Variants in DDX46 observed in about 807,000 individuals in gnomAD.
The protein encoded by DDX46 is DEAD-box helicase 46.
A neutral mutation model predicts 134.9 loss-of-function variants in DDX46; 30 were observed. The ratio of observed to expected loss-of-function variants is 0.22; its 90% CI spans 0.17 to 0.30. DDX46 has a LOEUF of 0.30. DDX46 is among the 10% of genes least tolerant of loss of function. The pLI is 1.00. For missense variants in DDX46, 622 were observed against 1,248.7 expected, an observed-to-expected ratio of 0.50 and a Z score of 7.56; for synonymous variants, 415 against 404.1, an observed-to-expected ratio of 1.03 and a Z score of -0.32.
chr5:134,809,222 T>G (rs1755071342), intron 16 of DDX46, among the ~76,000 whole-genome samples: 1 of 152,210 alleles, frequency 6.6e-6, no homozygotes, highest in Non-Finnish European at 1.5e-5. Flanking sequence ...CTGTCACATA[T>G]TCTTCTCTTT....
At chr5:134,810,152 A>G (rs183475513) in intron 16 of DDX46, among the ~76,000 whole-genome samples, 13 of 152,060 alleles carry the variant, frequency 8.5e-5, no homozygotes, top group African/African-American at 1.4e-4. Flanking sequence ...GGCTCAAGCT[A>G]TCTTTCCACC....
chr5:134,790,488 G>A lies in DDX46; in HGVS notation c.1562G>A (p.Arg521Gln), dbSNP rs781314445. Residue 521 changes from arginine (R) to glutamine (Q), a missense_variant, in exon 13 of 23, where the codon CGA becomes CAA. Arg to Gln is a conservative substitution (Grantham distance 43, BLOSUM62 1). Transcript: ENST00000452510. Reference protein sequence around the residue: ...AANSGRVTNLRRVTYVVLDEA... With the variant: ...AANSGRVTNLQRVTYVVLDEA... ...ATCTTAGGTCGGGTCACAAATCTTCGAAGAGTGACATATGTTGTTTTAGAT... is the reference window on the plus strand; with the variant it reads ...ATCTTAGGTCGGGTCACAAATCTTCAAAGAGTGACATATGTTGTTTTAGAT... 6.2e-6 allele frequency: 10 copies of A among 1,611,278 alleles called. No homozygotes were observed. In the South Asian group the frequency reaches 6.6e-5, roughly 11 times the overall value.
chr5:134,775,657 C>A (rs1025813294), intron 5 of DDX46, among the ~76,000 whole-genome samples: 1 of 152,018 alleles, frequency 6.6e-6, no homozygotes, highest in African/African-American at 2.4e-5. Flanking sequence ...GTGATCCGCC[C>A]GCCTTGGCCT....
At chr5:134,792,550 C>T (rs1754535282) in intron 13 of DDX46, among the ~76,000 whole-genome samples, 1 of 152,070 alleles carries the variant, frequency 6.6e-6, no homozygotes, top group South Asian at 2.1e-4. Context: ...ATGTCTTTCC[C>T]AATCATGTGA....
Position 134,819,023 on chromosome 5 carries a change from G to A in DDX46, c.2977+19G>A, listed in dbSNP as rs1205441656. ...ATTGAAAGTATGTACTGTTAGTTCT[G>A]TTTCAATCTTGAATTTAGATCAAGG... is the stretch of plus-strand genomic sequence containing the variant. On this transcript the variant is annotated intron_variant, in intron 21 of 22. Transcript: ENST00000452510. 1.2e-6 allele frequency: 2 copies of A among 1,609,450 alleles called. No individual in the cohort carries two copies. The highest frequency in any genetic ancestry group is 2.7e-5 in the African/African-American group (2 of 74,668).
chr5:134,758,887 G>C lies in DDX46; in HGVS notation c.-52G>C. On this transcript the variant is annotated 5_prime_UTR_variant, in exon 1 of 23. Coordinates refer to ENST00000452510, the MANE Select transcript of DDX46 (RefSeq NM_001300860.2). ...GGCAGCTCAGCCTCCTTGTTTGTCC[G>C]GTTCGCCTGTGCGTGGTACTCAAGG... 3.1e-6 allele frequency: 5 copies of C among 1,613,690 alleles called. No individual in the cohort carries two copies. The South Asian group carries it at 3.3e-5, about 11-fold the overall frequency.
rs778346373 is a variant in DDX46 at position 134,811,248 on chromosome 5, G to A, written c.2176G>A (p.Asp726Asn). 3 of 1,613,956 alleles carry A rather than the reference G, an allele frequency of 1.9e-6. No homozygotes were observed. Among genetic ancestry groups the A allele is most frequent in the Non-Finnish European group, 2.5e-6 (3 of 1,179,950 alleles). ...KGYAYTFITEDQARYAGDIIK... is the reference protein window; with the variant it reads ...KGYAYTFITENQARYAGDIIK... ...TTATGCTTATACTTTTATCACAGAG[G>A]ATCAAGCTCGCTATGCTGGTGACAT... is the stretch of plus-strand genomic sequence containing the variant. The change falls in exon 17 of 23, where the codon GAT becomes AAT. Residue 726 changes from aspartate (D) to asparagine (N), a missense_variant. Asp to Asn is a conservative substitution (Grantham distance 23, BLOSUM62 1). This residue lies in a region of DDX46 where 209 missense variants were observed against 508.4 expected (regional missense o/e 0.41). Transcript: ENST00000452510.
intron 6 of DDX46, 136 bp downstream of exon 6, chr5:134,777,861 T>A: frequency 9.4e-7 from 1 of 1,060,382 alleles, no homozygotes; most frequent in Non-Finnish European, 1.3e-6. Flanking sequence ...ATGGCAGTAC[T>A]TTTTCTGAGT....
At chr5:134,794,563 G>A (rs909428902) in intron 13 of DDX46, among the ~76,000 whole-genome samples, 2 of 152,190 alleles carry the variant, frequency 1.3e-5, no homozygotes, top group African/African-American at 4.8e-5. Flanking sequence ...TTGAATAAAT[G>A]AAGGAAAACA....
intron 1 of DDX46, among the ~76,000 whole-genome samples, chr5:134,762,390 C>T (rs1049111200): frequency 1.3e-5 from 2 of 151,990 alleles, no homozygotes; most frequent in Non-Finnish European, 2.9e-5. Context: ...TGCATTCCAG[C>T]CTGGGTGACA....
intron 15 of DDX46, among the ~76,000 whole-genome samples, chr5:134,796,738 A>C (rs1754664193): frequency 6.6e-6 from 1 of 151,822 alleles, no homozygotes; most frequent in Non-Finnish European, 1.5e-5. Flanking sequence ...CTGTAATCCC[A>C]GCTACTTGGG....
chr5:134,809,628 G>A (rs1299300976), intron 16 of DDX46, among the ~76,000 whole-genome samples: 2 of 151,952 alleles, frequency 1.3e-5, no homozygotes, highest in African/African-American at 2.4e-5. Context: ...GCCCGCCTTG[G>A]CCTCTCAAAA....
chr5:134,804,996 G>T, intron 15 of DDX46: 1 of 381,716 alleles, frequency 2.6e-6, no homozygotes, highest in Non-Finnish European at 5.2e-6. Flanking sequence ...CATGCCACCT[G>T]CAGATTTTGG....
intron 7 of DDX46, 98 bp downstream of exon 7, chr5:134,781,344 G>A: frequency 1.1e-6 from 1 of 904,412 alleles, no homozygotes; most frequent in Non-Finnish European, 1.7e-6. Context: ...TGTGAGCTAG[G>A]AGAAATTCCC....
At chr5:134,799,742 A>G (rs1356193153) in intron 15 of DDX46, among the ~76,000 whole-genome samples, 3 of 123,564 alleles carry the variant, frequency 2.4e-5, no homozygotes, top group South Asian at 2.6e-4. Flanking sequence ...CCGTCTCAAG[A>G]AAAAAAAAAA....
chr5:134,770,903 A>G lies in DDX46; in HGVS notation c.351A>G (p.Arg117=). 6.3e-7 allele frequency: 1 copy of G among 1,578,390 alleles called. No individual in the cohort carries two copies. The highest frequency in any genetic ancestry group is 8.6e-7 in the Non-Finnish European group (1 of 1,168,132). The change falls in exon 4 of 23, where the codon AGA becomes AGG. Residue 117 remains arginine, a splice_region_variant and synonymous_variant. Coordinates refer to ENST00000452510, the MANE Select transcript of DDX46 (RefSeq NM_001300860.2). ...PGNKSKKTEN[R]SRSKEKTDGG... ...CTTGTCTCTTTTATTTTTTTGGTAG[A>G]TCTAGGTCCAAAGAGAAAACTGATG... is the stretch of plus-strand genomic sequence containing the variant.
intron 1 of DDX46, among the ~76,000 whole-genome samples, chr5:134,761,116 C>T (rs904003463): frequency 6.6e-6 from 1 of 152,150 alleles, no homozygotes; most frequent in Non-Finnish European, 1.5e-5. Flanking sequence ...ACCTATGCTT[C>T]CCAGGTTCAA....
At position 134,758,869 on chromosome 5, in the gene DDX46, C is replaced by T. The variant is rs374775960; in HGVS notation, c.-70C>T. ...TCTTTGCCGGGCGTTGAGGGCAGCT[C>T]AGCCTCCTTGTTTGTCCGGTTCGCC... is the stretch of plus-strand genomic sequence containing the variant. On this transcript the variant is annotated 5_prime_UTR_variant, in exon 1 of 23. Coordinates refer to ENST00000452510, the MANE Select transcript of DDX46 (RefSeq NM_001300860.2). 316 of 1,612,698 alleles carry T rather than the reference C, an allele frequency of 2.0e-4. No individual in the cohort carries two copies. The highest frequency in any genetic ancestry group is 2.5e-4 in the Non-Finnish European group (299 of 1,179,020).
chr5:134,778,018 CT>C, intron 6 of DDX46: 1 of 194,980 alleles, frequency 5.1e-6, no homozygotes, highest in South Asian at 1.3e-4. Context: ...GTCTTTGATA[CT>C]CTTTTTTTTT....
Sources: gnomAD v4.1 joint callset for allele counts (sites outside exome capture counted in the v4.1 genomes callset) on GRCh38, gnomAD v4.1.1 for gene constraint, gnomAD v4.1.1 regional missense constraint, MANE v1.5 for transcripts, NCBI Gene and HGNC (gene_info 2026-07-23, HGNC 2026-07-21) for gene names.